The following RSF1 variants were observed in gnomAD, a reference collection of about 807,000 sequenced individuals.
RSF1 encodes HBV pX-associated protein 8.
RSF1 carries 13 observed loss-of-function variants against 145.2 expected under a neutral mutation model. The ratio of observed to expected loss-of-function variants is 0.09; its 90% CI spans 0.06 to 0.14. RSF1 has a LOEUF of 0.14. Among genes scored for constraint, RSF1 ranks in the 10% least tolerant of loss-of-function variants. The pLI is 1.00. For synonymous variants in RSF1, 577 were observed against 592.6 expected (o/e 0.97, Z 0.38); for missense variants, 1,517 against 1,718.2 (o/e 0.88, Z 2.07).
chr11:77,764,921 C>A (rs1288973682), intron 1 of RSF1, among the ~76,000 whole-genome samples: 1 of 151,970 alleles, frequency 6.6e-6, no homozygotes, highest in Non-Finnish European at 1.5e-5. Context: ...TTTCAAAACA[C>A]CATCAAATAA....
chr11:77,764,564 G>T, intron 2 of RSF1, 34 bp downstream of exon 2: 1 of 1,122,270 alleles, frequency 8.9e-7, no homozygotes, highest in Non-Finnish European at 1.4e-6. Flanking sequence ...TAATATTTCA[G>T]TAATAGAGCA....
chr11:77,742,414 G>T (rs1947951228), intron 3 of RSF1, among the ~76,000 whole-genome samples: 1 of 152,084 alleles, frequency 6.6e-6, no homozygotes, highest in Non-Finnish European at 1.5e-5. Flanking sequence ...TGAGTAGCTG[G>T]GACTACAGGG....
intron 7 of RSF1, among the ~76,000 whole-genome samples, chr11:77,696,804 G>A (rs777214197): frequency 8.6e-5 from 13 of 152,002 alleles, no homozygotes; most frequent in Non-Finnish European, 1.6e-4. Flanking sequence ...ATACTTAGAG[G>A]GATCTTCTCA....
intron 1 of RSF1, among the ~76,000 whole-genome samples, chr11:77,802,130 C>A (rs1948632226): frequency 6.6e-6 from 1 of 152,120 alleles, no homozygotes; most frequent in African/African-American, 2.4e-5. Flanking sequence ...ACCCAGCGTA[C>A]CTCTTCATCT....
At chr11:77,745,357 T>C (rs1439228722) in intron 3 of RSF1, among the ~76,000 whole-genome samples, 1 of 152,158 alleles carries the variant, frequency 6.6e-6, no homozygotes, top group Non-Finnish European at 1.5e-5. Context: ...AGTGTAACAT[T>C]AGGTTGTTAT....
chr11:77,764,254 T>C (rs1948203971), intron 2 of RSF1: 1 of 207,634 alleles, frequency 4.8e-6, no homozygotes. Flanking sequence ...GCATACTATG[T>C]GAACTAAAGT....
At chr11:77,679,651 G>C (rs1450958842) in intron 11 of RSF1, among the ~76,000 whole-genome samples, 3 of 150,060 alleles carry the variant, frequency 2.0e-5, no homozygotes, top group African/African-American at 7.4e-5. Context: ...CCAGCCTGGG[G>C]GACAGAGCGA....
Position 77,678,068 on chromosome 11 carries a change from A to G in RSF1, c.3133+18T>C. ...CTTGGCAGAGTTCTATGAAGAAGAG[A>G]GAACGACAAACACATACCTCCTCCA... On this transcript the variant is annotated intron_variant, in intron 12 of 15. Coordinates refer to ENST00000308488, the MANE Select transcript of RSF1 (RefSeq NM_016578.4). 6.3e-7 allele frequency: 1 copy of G among 1,597,328 alleles called. No homozygotes were observed. Among genetic ancestry groups the G allele is most frequent in the Non-Finnish European group, 8.6e-7 (1 of 1,165,318 alleles).
the RSF1 span, among the ~76,000 whole-genome samples, chr11:77,870,860 C>T: frequency 6.6e-6 from 1 of 152,128 alleles, no homozygotes; most frequent in Non-Finnish European, 1.5e-5. Context: ...TAGGTCAGTG[C>T]TATATGTATT....
chr11:77,747,276 A>G, intron 2 of RSF1, 148 bp from the exon 3 acceptor site: 1 of 528,510 alleles, frequency 1.9e-6, no homozygotes, highest in Non-Finnish European at 3.4e-6. Flanking sequence ...CCTAAAATGC[A>G]TACTACTTAA....
At chr11:77,827,797 G>A in the RSF1 span, among the ~76,000 whole-genome samples, 2 of 152,004 alleles carry the variant, frequency 1.3e-5, no homozygotes, top group Admixed American at 6.6e-5. Flanking sequence ...AAAATAAAAG[G>A]CATCCAGATT....
chr11:77,872,166 C>T, the RSF1 span: 1 of 1,610,022 alleles, frequency 6.2e-7, no homozygotes, highest in Admixed American at 1.7e-5. Flanking sequence ...CTCTTTTCCA[C>T]CTTCCCAGGT....
At chr11:77,747,488 C>G (rs1948014181) in intron 2 of RSF1, among the ~76,000 whole-genome samples, 1 of 152,112 alleles carries the variant, frequency 6.6e-6, no homozygotes, top group Non-Finnish European at 1.5e-5. Flanking sequence ...ATCTTTTTGC[C>G]TAGGACAGAA....
At chr11:77,867,859 A>G in the RSF1 span, among the ~76,000 whole-genome samples, 1 of 152,216 alleles carries the variant, frequency 6.6e-6, no homozygotes, top group Non-Finnish European at 1.5e-5. Flanking sequence ...TAAAGCATAA[A>G]AAGAAGTTTC....
At chr11:77,862,217 C>T in the RSF1 span, among the ~76,000 whole-genome samples, 1 of 152,196 alleles carries the variant, frequency 6.6e-6, no homozygotes, top group African/African-American at 2.4e-5. Context: ...TCTCATTCCT[C>T]TGTTGTCATC....
chr11:77,792,459 TG>T (rs1157054943), intron 1 of RSF1, among the ~76,000 whole-genome samples: 4 of 152,158 alleles, frequency 2.6e-5, no homozygotes, highest in African/African-American at 9.7e-5. Context: ...ACACTGGTGC[TG>T]GTGTACGTCA....
intron 1 of RSF1, among the ~76,000 whole-genome samples, chr11:77,780,218 C>T (rs1948389029): frequency 6.6e-6 from 1 of 152,114 alleles, no homozygotes. Context: ...TTTAAAAAAA[C>T]CAAGTAACTT....
chr11:77,726,853 C>A (rs1961065632), intron 4 of RSF1, among the ~76,000 whole-genome samples: 1 of 152,182 alleles, frequency 6.6e-6, no homozygotes, highest in Non-Finnish European at 1.5e-5. Flanking sequence ...AGAGTAGGAA[C>A]TCTGCATTCC....
At chr11:77,870,819 C>T in the RSF1 span, among the ~76,000 whole-genome samples, 5 of 152,096 alleles carry the variant, frequency 3.3e-5, no homozygotes, top group Non-Finnish European at 2.9e-5. Flanking sequence ...TATAGATATA[C>T]GTTTATATAC....
Sources: gnomAD v4.1 joint callset for allele counts (sites outside exome capture counted in the v4.1 genomes callset) on GRCh38, gnomAD v4.1.1 for gene constraint, MANE v1.5 for transcripts, NCBI Gene and HGNC (gene_info 2026-07-23, HGNC 2026-07-21) for gene names.